The following DDX19B variants were observed in gnomAD, a reference collection of about 807,000 sequenced individuals.
DDX19B encodes ATP-dependent RNA helicase DDX19B.
Under a neutral mutation model 58.1 loss-of-function variants are expected in DDX19B, and 27 were observed. The ratio of observed to expected loss-of-function variants is 0.46; its 90% CI spans 0.34 to 0.64. DDX19B has a LOEUF of 0.64. Ranked by LOEUF, DDX19B falls within the 30% of genes least tolerant of loss-of-function variation. DDX19B has a pLI of 0.01. For missense variants in DDX19B, 399 were observed against 596.5 expected, an observed-to-expected ratio of 0.67 and a Z score of 3.45; for synonymous variants, 187 against 214.4, an observed-to-expected ratio of 0.87 and a Z score of 1.12.
At chr16:70,309,681 AGTTG>A (rs1567626331) in intron 1 of DDX19B, among the ~76,000 whole-genome samples, 1 of 150,970 alleles carries the variant, frequency 6.6e-6, no homozygotes, top group African/African-American at 2.4e-5. Flanking sequence ...AGCTGTGCGT[AGTTG>A]CACACGCCTG....
At chr16:70,312,785 T>C in intron 2 of DDX19B, 128 bp downstream of exon 2, 1 of 685,318 alleles carries the variant, frequency 1.5e-6, no homozygotes, top group East Asian at 2.8e-5. Context: ...CTGGTACCAT[T>C]TGATTTGTAA....
chr16:70,289,875 T>C, upstream of DDX19B: 1 of 386,984 alleles, frequency 2.6e-6, no homozygotes, highest in South Asian at 1.9e-5. Flanking sequence ...AGAGGTTACA[T>C]ATCTTGCTAT....
intron 1 of DDX19B, among the ~76,000 whole-genome samples, chr16:70,304,487 CT>C (rs989670678): frequency 1.3e-5 from 2 of 151,714 alleles, no homozygotes; most frequent in African/African-American, 4.9e-5. Flanking sequence ...ATTCTCCTGC[CT>C]TAGTCCCCCG....
At chr16:70,324,020 A>G (rs991141564) in intron 5 of DDX19B, among the ~76,000 whole-genome samples, 6 of 151,756 alleles carry the variant, frequency 4.0e-5, no homozygotes, top group African/African-American at 1.5e-4. Context: ...GAGCAGTACT[A>G]GGGCCCTGTG....
intron 1 of DDX19B, among the ~76,000 whole-genome samples, chr16:70,309,715 G>A (rs1000839872): frequency 1.3e-5 from 2 of 150,458 alleles, no homozygotes; most frequent in Non-Finnish European, 2.9e-5. Flanking sequence ...CTACTTGGGA[G>A]GCTGGGGTAG....
intron 4 of DDX19B, 71 bp downstream of exon 4, chr16:70,316,175 T>C: frequency 5.1e-6 from 8 of 1,583,532 alleles, no homozygotes; most frequent in Middle Eastern, 1.7e-4. Flanking sequence ...GTTATAGATA[T>C]CTTTTGACCA....
chr16:70,324,056 T>C (rs1306582067), intron 5 of DDX19B, among the ~76,000 whole-genome samples: 1 of 149,648 alleles, frequency 6.7e-6, no homozygotes, highest in Non-Finnish European at 1.5e-5. Context: ...GGAGAGAGAG[T>C]AGTAGGAAAT....
At chr16:70,303,476 A>C (rs1366539393) in intron 1 of DDX19B, among the ~76,000 whole-genome samples, 2 of 152,084 alleles carry the variant, frequency 1.3e-5, no homozygotes, top group Non-Finnish European at 2.9e-5. Context: ...TATTCTCTCA[A>C]ACTACAACTT....
chr16:70,317,733 T>A, intron 5 of DDX19B, 145 bp downstream of exon 5: 1 of 553,468 alleles, frequency 1.8e-6, no homozygotes, highest in Non-Finnish European at 3.0e-6. Flanking sequence ...AGGCCAGGAG[T>A]TCAAGACCAG....
chr16:70,303,637 A>G (rs543618387), intron 1 of DDX19B, among the ~76,000 whole-genome samples: 42 of 152,230 alleles, frequency 2.8e-4, no homozygotes, highest in African/African-American at 9.1e-4. Flanking sequence ...GCTCACTGCA[A>G]GCTCCACCTC....
chr16:70,316,594 T>C lies in DDX19B; in HGVS notation c.296+490T>C, dbSNP rs1054752162. On this transcript the variant is annotated intron_variant, in intron 4 of 11. Transcript: ENST00000288071. ...ACTTTTGGAGGCCAAGGTGAGAGGA[T>C]CACTTGAGGCCAGGAGTTGCAGACC... 2.0e-5 allele frequency among the ~76,000 whole-genome samples: 3 copies of C among 152,120 alleles called. No individual in the cohort carries two copies. The South Asian group carries it at 6.2e-4, about 32-fold the overall frequency.
At position 70,329,464 on chromosome 16, in the gene DDX19B, C is replaced by T. The variant is rs1963362490; in HGVS notation, c.780C>T (p.Ile260=). 19 of 1,613,932 alleles carry T rather than the reference C, an allele frequency of 1.2e-5. No individual in the cohort carries two copies. The highest frequency in any genetic ancestry group is 1.6e-5 in the Non-Finnish European group (19 of 1,179,906). Residue 260 remains isoleucine, a synonymous_variant, in exon 8 of 12, where the codon ATC becomes ATT. Transcript: ENST00000288071. ...TQGHQDQSIR[I]QRMLPRNCQM... ...GCCACCAAGATCAGAGCATCCGCAT[C>T]CAGAGGTAGGGATCTCGAGGGTGGG...
At chr16:70,310,375 G>A (rs7184733) in intron 1 of DDX19B, among the ~76,000 whole-genome samples, 2,367 of 147,302 alleles carry the variant, frequency 0.016, 54 homozygotes, top group African/African-American at 0.055. Context: ...GCAAGACTCC[G>A]CCTCAAAAAA....
upstream of DDX19B, chr16:70,298,963 C>T: frequency 2.9e-6 from 1 of 350,198 alleles, no homozygotes; most frequent in Admixed American, 4.6e-5. Flanking sequence ...CCTACTCTGC[C>T]ACTGTGTTGG....
intron 7 of DDX19B, among the ~76,000 whole-genome samples, 195 bp from the exon 8 acceptor site, chr16:70,329,097 C>A (rs1597500568): frequency 6.6e-6 from 1 of 151,008 alleles, no homozygotes; most frequent in Admixed American, 6.6e-5. Flanking sequence ...GTGGCAGGTG[C>A]CTGTAATCCT....
At chr16:70,327,292 T>C (rs1278148651) in intron 7 of DDX19B, among the ~76,000 whole-genome samples, 2 of 151,826 alleles carry the variant, frequency 1.3e-5, no homozygotes, top group Non-Finnish European at 2.9e-5. Flanking sequence ...CCCAGCACTT[T>C]AGCAGGCCGA....
intron 7 of DDX19B, among the ~76,000 whole-genome samples, chr16:70,327,251 T>A (rs1394452146): frequency 6.6e-6 from 1 of 151,874 alleles, no homozygotes; most frequent in Admixed American, 6.6e-5. Context: ...ATTTTTTTTG[T>A]AGGCCAAACA....
intron 4 of DDX19B, chr16:70,317,251 T>G (rs184293012): frequency 1.2e-5 from 3 of 246,014 alleles, no homozygotes; most frequent in African/African-American, 2.4e-5. Flanking sequence ...CATGGTGCCA[T>G]GTACCTGTAA....
chr16:70,319,574 CTCT>C (rs1251315586), intron 5 of DDX19B: 4 of 88,604 alleles, frequency 4.5e-5, no homozygotes, highest in Admixed American at 9.8e-5. Flanking sequence ...AATTCTGAAT[CTCT>C]TTTTTTTTTT....
Sources: gnomAD v4.1 joint callset for allele counts (sites outside exome capture counted in the v4.1 genomes callset) on GRCh38, gnomAD v4.1.1 for gene constraint, MANE v1.5 for transcripts, NCBI Gene and HGNC (gene_info 2026-07-23, HGNC 2026-07-21) for gene names.